The following NTSR1 variants were observed in gnomAD, a reference collection of about 807,000 sequenced individuals.
The protein encoded by NTSR1 is neurotensin receptor type 1.
Under a neutral mutation model 31.2 loss-of-function variants are expected in NTSR1, and 29 were observed. That is an observed-to-expected ratio of 0.93 (90% CI 0.69 to 1.27). NTSR1 has a LOEUF of 1.27. Among genes scored for constraint, NTSR1 ranks in the 50% most tolerant of loss-of-function variants. The pLI, the probability that NTSR1 is intolerant of heterozygous loss-of-function variation, is 0.00. For synonymous variants in NTSR1, 282 were observed against 269.9 expected, an observed-to-expected ratio of 1.04 and a Z score of -0.44; for missense variants, 697 against 595.4, an observed-to-expected ratio of 1.17 and a Z score of -1.78.
chr20:62,742,590 G>A lies in NTSR1; in HGVS notation c.715-12095G>A, dbSNP rs950902571. On this transcript the variant is annotated intron_variant, in intron 1 of 3. Coordinates refer to ENST00000370501, the MANE Select transcript of NTSR1 (RefSeq NM_002531.3). The surrounding 1 kb of genome is among the most constrained non-coding windows in gnomAD (Gnocchi z 7.1). ...ACACTGGCAGTTCTTTATGCCTTCC[G>A]TCCTCTGCTCCCCAGACACCTGTTT... Among the ~76,000 whole-genome samples, 16 of 149,370 alleles carry A rather than the reference G, an allele frequency of 1.1e-4. 1 individual carries two copies. Among genetic ancestry groups the A allele is most frequent in the African/African-American group, 1.5e-4 (6 of 39,982 alleles).
chr20:62,752,444 G>A (rs1040180798), intron 1 of NTSR1, among the ~76,000 whole-genome samples: 5 of 152,216 alleles, frequency 3.3e-5, no homozygotes. Context: ...CAGTCTCCAG[G>A]GTGGGCAGGT....
Position 62,744,705 on chromosome 20 carries a change from C to T in NTSR1, c.715-9980C>T, listed in dbSNP as rs1447146548. On this transcript the variant is annotated intron_variant, in intron 1 of 3. Coordinates refer to ENST00000370501, the MANE Select transcript of NTSR1 (RefSeq NM_002531.3). The surrounding 1 kb of genome is among the most constrained non-coding windows in gnomAD (Gnocchi z 4.1). Reference sequence around the variant, plus strand: ...TCGCGCCACTGCACTCCAGCCTGGGCAACAAGAGCAAAGCTCAGTCTCACA... The same window carrying T: ...TCGCGCCACTGCACTCCAGCCTGGGTAACAAGAGCAAAGCTCAGTCTCACA... Among the ~76,000 whole-genome samples the T allele has an allele frequency of 6.6e-6, 1 of 151,878 alleles. No individual in the cohort carries two copies. Among genetic ancestry groups the T allele is most frequent in the African/African-American group, 2.4e-5 (1 of 41,300 alleles).
intron 1 of NTSR1, among the ~76,000 whole-genome samples, chr20:62,728,285 C>G (rs1019725250): frequency 3.3e-5 from 5 of 152,160 alleles, no homozygotes; most frequent in African/African-American, 1.2e-4. Context: ...CTTTCCCTCC[C>G]CGGCTACTCA....
intron 1 of NTSR1, among the ~76,000 whole-genome samples, chr20:62,731,118 C>T (rs561068020): frequency 2.0e-5 from 3 of 152,176 alleles, no homozygotes; most frequent in Non-Finnish European, 4.4e-5. Context: ...GAGTTTCGCT[C>T]TTGTTGCCCA....
intron 1 of NTSR1, among the ~76,000 whole-genome samples, chr20:62,730,627 G>A (rs192578634): frequency 6.6e-6 from 1 of 152,336 alleles, no homozygotes. Context: ...GGAACACGTG[G>A]TAAGGATACG....
intron 1 of NTSR1, among the ~76,000 whole-genome samples, chr20:62,734,740 C>T (rs1989059154): frequency 6.6e-6 from 1 of 152,158 alleles, no homozygotes; most frequent in Admixed American, 6.5e-5. Flanking sequence ...AGAGTTAATG[C>T]GGAAAGGCGG....
At chr20:62,721,310 C>G (rs147728101) in intron 1 of NTSR1, among the ~76,000 whole-genome samples, 114 of 152,284 alleles carry the variant, frequency 7.5e-4, no homozygotes, top group African/African-American at 2.7e-3. Flanking sequence ...TAAATCCATC[C>G]TCTGGGTCAT....
intron 1 of NTSR1, among the ~76,000 whole-genome samples, chr20:62,740,866 T>A (rs1989193209): frequency 6.6e-6 from 1 of 152,224 alleles, no homozygotes; most frequent in African/African-American, 2.4e-5. Context: ...GGCAGAGACC[T>A]GCAGCCCGCA....
chr20:62,746,390 T>G (rs1343218470), intron 1 of NTSR1, among the ~76,000 whole-genome samples: 2 of 152,216 alleles, frequency 1.3e-5, no homozygotes, highest in Non-Finnish European at 2.9e-5. Context: ...TAGCTCTTAT[T>G]GGCCCTGAAG....
At position 62,758,366 on chromosome 20, in the gene NTSR1, G is replaced by C; in HGVS notation, c.1007+10G>C. 6.2e-7 allele frequency: 1 copy of C among 1,612,312 alleles called. No individual in the cohort carries two copies. Among genetic ancestry groups the C allele is most frequent in the Non-Finnish European group, 8.5e-7 (1 of 1,178,940 alleles). ...ATGAGCAGTGGACTCCGTGAGTACC[G>C]GGAACCAGGAAGTTGGGTGCTGGAC... On this transcript the variant is annotated intron_variant, in intron 3 of 3. Coordinates refer to ENST00000370501, the MANE Select transcript of NTSR1 (RefSeq NM_002531.3). This position sits in a 1 kb window ranked among gnomAD's most constrained non-coding sequence, Gnocchi z 4.5.
rs1988697244 is a variant in NTSR1 at position 62,715,463 on chromosome 20, C to T, written c.714+5542C>T. Among the ~76,000 whole-genome samples the T allele has an allele frequency of 6.6e-6, 1 of 152,202 alleles. No homozygotes were observed. Among genetic ancestry groups the T allele is most frequent in the African/African-American group, 2.4e-5 (1 of 41,432 alleles). ...GCCTAGCCTGACCCTGTGGTGCTCCCCGTGGGGACAACGGTCAGGCTTTTG... is the reference window on the plus strand; with the variant it reads ...GCCTAGCCTGACCCTGTGGTGCTCCTCGTGGGGACAACGGTCAGGCTTTTG... On this transcript the variant is annotated intron_variant, in intron 1 of 3. Transcript: ENST00000370501. The surrounding 1 kb of genome is among the most constrained non-coding windows in gnomAD (Gnocchi z 4.7).
At position 62,714,100 on chromosome 20, in the gene NTSR1, A is replaced by T. The variant is rs1988668076; in HGVS notation, c.714+4179A>T. ...GGGTGACAACTGTCTCAAAGAAAAA[A>T]AAAGTTGCAGAAGAAGTTCTTCAAG... On this transcript the variant is annotated intron_variant, in intron 1 of 3. Coordinates refer to ENST00000370501, the MANE Select transcript of NTSR1 (RefSeq NM_002531.3). This position sits in a 1 kb window ranked among gnomAD's most constrained non-coding sequence, Gnocchi z 4.1. 6.6e-6 allele frequency among the ~76,000 whole-genome samples: 1 copy of T among 152,184 alleles called. No individual in the cohort carries two copies. The highest frequency in any genetic ancestry group is 6.5e-5 in the Admixed American group (1 of 15,294).
chr20:62,724,104 A>C (rs965887451), intron 1 of NTSR1, among the ~76,000 whole-genome samples: 2 of 152,216 alleles, frequency 1.3e-5, no homozygotes, highest in Non-Finnish European at 2.9e-5. Context: ...TGAGGGTCCA[A>C]GATTCTGCCC....
intron 3 of NTSR1, among the ~76,000 whole-genome samples, chr20:62,759,195 C>T (rs7267264): frequency 7.2e-5 from 11 of 152,294 alleles, no homozygotes; most frequent in East Asian, 3.9e-4. Context: ...GGAGAAGGCA[C>T]GGGGAACAGA....
At chr20:62,752,541 C>G (rs1002513239) in intron 1 of NTSR1, among the ~76,000 whole-genome samples, 5 of 152,256 alleles carry the variant, frequency 3.3e-5, no homozygotes, top group African/African-American at 1.2e-4. Flanking sequence ...TGTTCCCTCC[C>G]TCTGGAAACG....
chr20:62,754,224 T>G lies in NTSR1; in HGVS notation c.715-461T>G, dbSNP rs545850665. The stretch of plus-strand genomic sequence containing the variant: ...GTGAGCTGTCAGGACCTAGGAGAAC[T>G]GTCTGCACACAGCTACAAGGCCAGG... On this transcript the variant is annotated intron_variant, in intron 1 of 3. Coordinates refer to ENST00000370501, the MANE Select transcript of NTSR1 (RefSeq NM_002531.3). 7.2e-5 allele frequency among the ~76,000 whole-genome samples: 11 copies of G among 152,312 alleles called. No individual in the cohort carries two copies. In the South Asian group the frequency reaches 2.3e-3, roughly 32 times the overall value.
At position 62,743,343 on chromosome 20, in the gene NTSR1, G is replaced by A. The variant is rs770149013; in HGVS notation, c.715-11342G>A. Among the ~76,000 whole-genome samples the A allele has an allele frequency of 2.0e-5, 3 of 151,316 alleles. No individual in the cohort carries two copies. The highest frequency in any genetic ancestry group is 4.4e-5 in the Non-Finnish European group (3 of 68,028). On this transcript the variant is annotated intron_variant, in intron 1 of 3. Coordinates refer to ENST00000370501, the MANE Select transcript of NTSR1 (RefSeq NM_002531.3). This position sits in a 1 kb window ranked among gnomAD's most constrained non-coding sequence, Gnocchi z 7.5. ...GGGTTTCTGAATTAACTCTGCCATC[G>A]TTCCTGGCCTCAGCTGTGGTGGGGA...
At chr20:62,746,278 G>A (rs953359544) in intron 1 of NTSR1, among the ~76,000 whole-genome samples, 27 of 152,214 alleles carry the variant, frequency 1.8e-4, no homozygotes, top group South Asian at 6.2e-4. Flanking sequence ...GTAGGCTTGT[G>A]GGTGCCATCA....
rs987210209 is a variant in NTSR1 at position 62,762,298 on chromosome 20, G to A, written c.*2031G>A. The A allele has an allele frequency of 6.6e-6, 1 of 152,214 alleles. No individual in the cohort carries two copies. Among genetic ancestry groups the A allele is most frequent in the African/African-American group, 2.4e-5 (1 of 41,460 alleles). 9.4% of individuals were successfully genotyped at this position (152,214 alleles called of 1,614,324 possible). On this transcript the variant is annotated 3_prime_UTR_variant, in exon 4 of 4. Coordinates refer to ENST00000370501, the MANE Select transcript of NTSR1 (RefSeq NM_002531.3). ...CAGATGTGGTCGTTCCGCCCTCTCA[G>A]CTGGATGAGACTGTCCTGGAGGATC...
Sources: gnomAD v4.1 joint callset for allele counts (sites outside exome capture counted in the v4.1 genomes callset) on GRCh38, gnomAD v4.1.1 for gene constraint, Gnocchi (gnomAD v3.1) non-coding constraint, MANE v1.5 for transcripts, NCBI Gene and HGNC (gene_info 2026-07-23, HGNC 2026-07-21) for gene names.